The following DENND4C variants were observed in gnomAD, a reference collection of about 807,000 sequenced individuals.
DENND4C encodes the protein DENN domain-containing protein 4C.
A neutral mutation model predicts 203.0 loss-of-function variants in DENND4C; 108 were observed. The ratio of observed to expected loss-of-function variants is 0.53; its 90% confidence interval spans 0.46 to 0.62. The LOEUF (loss-of-function observed/expected upper bound fraction) is 0.62, where lower values mean the gene tolerates loss of function less well. DENND4C is among the 20% of genes least tolerant of loss of function. The probability of loss-of-function intolerance (pLI) is 0.00; values close to 1 mark genes in which losing one functional copy is unlikely to be tolerated. For missense variants in DENND4C, 2,481 were observed against 2,301.2 expected, an observed-to-expected ratio of 1.08 and a Z score of -1.60; for synonymous variants, 871 against 792.4, an observed-to-expected ratio of 1.10 and a Z score of -1.67.
At chr9:19,264,741 A>G (rs1206946825) in intron 1 of DENND4C, among the ~76,000 whole-genome samples, 1 of 151,168 alleles carries the variant, frequency 6.6e-6, no homozygotes, top group Non-Finnish European at 1.5e-5. Context: ...TCTTTTCAAA[A>G]CACCAAGTTT....
chr9:19,368,242 A>G (rs1828084704), intron 30 of DENND4C, among the ~76,000 whole-genome samples: 1 of 150,116 alleles, frequency 6.7e-6, no homozygotes, highest in South Asian at 2.1e-4. Context: ...TGTTATCATA[A>G]CAGAGGACTT....
Position 19,345,921 on chromosome 9 carries a change from G to T in DENND4C, c.3152G>T (p.Gly1051Val), listed in dbSNP as rs779058652. The T allele has an allele frequency of 2.5e-6, 4 of 1,601,738 alleles. No homozygotes were observed. The African/African-American group carries it at 4.0e-5, about 16-fold the overall frequency. The change falls in exon 23 of 33, where the codon GGT (glycine) becomes GTT (valine). Residue 1051 changes from glycine (G) to valine (V), a missense_variant and splice_region_variant. Physicochemically the swap from Gly to Val is moderately radical, Grantham distance 109. This residue lies in a region of DENND4C where 2,289 missense variants were observed against 2,113.3 expected (regional missense o/e 1.08). Transcript: ENST00000434457. ...GTTAATATTTTACTTTCCCTTTTAG[G>T]TAGTATATCAAATGTGCTGTTTTCT... Reference protein sequence around the residue: ...FDVNSRKSSTGSISNVLFSTQ... With the variant: ...FDVNSRKSSTVSISNVLFSTQ...
rs117605726 is a variant in DENND4C, at chr9:19,336,749, C to G, written c.2798C>G (p.Ser933Cys). ...DTVSHGSVDSSNDANNGEHTV... is the reference protein window; with the variant it reads ...DTVSHGSVDSCNDANNGEHTV... ...GTGAGCCACGGTAGTGTGGATAGTTCTAATGATGCTAACAATGGGGAGCAC... is the reference window on the plus strand; with the variant it reads ...GTGAGCCACGGTAGTGTGGATAGTTGTAATGATGCTAACAATGGGGAGCAC... The change falls in exon 20 of 33, where the codon TCT (serine) becomes TGT (cysteine). Residue 933 changes from serine (S) to cysteine (C), a missense_variant. This residue lies in a region of DENND4C where 2,289 missense variants were observed against 2,113.3 expected (regional missense o/e 1.08). Coordinates refer to ENST00000434457, the MANE Select transcript of DENND4C (RefSeq NM_001330640.2). The G allele has an allele frequency of 9.7e-6, 15 of 1,550,868 alleles. No homozygotes were observed. In the Admixed American group the frequency reaches 9.8e-5, roughly 10 times the overall value.
rs150423775 is a variant in DENND4C, at chr9:19,351,856, A to T, written c.4496-217A>T. Among the ~76,000 whole-genome samples, 1,287 of 152,232 alleles carry T rather than the reference A, an allele frequency of 8.5e-3. 6 individuals are homozygous for T. The highest frequency in any genetic ancestry group is 0.014 in the Middle Eastern group (4 of 294). ...AAAATTTCAAATGTCCTGAAAGTTG[A>T]AAGAATCGTATAATGAACAATCATG... On this transcript the variant is annotated intron_variant, in intron 24 of 32. Transcript: ENST00000434457.
In DENND4C at chr9:19,332,115, C is replaced by G. The variant is rs753069324; in HGVS notation, c.2391C>G (p.Val797=). Residue 797 remains valine, a synonymous_variant, in exon 17 of 33, where the codon GTC becomes GTG. Coordinates refer to ENST00000434457, the MANE Select transcript of DENND4C (RefSeq NM_001330640.2). ...ATGTTAGAGTTTCTCATCCTAAAGT[C>G]AGAGCACTTCAGCAGGCATATGATG... is the stretch of plus-strand genomic sequence containing the variant. ...PAYVRVSHPK[V]RALQQAYDVL... The G allele has an allele frequency of 1.9e-6, 3 of 1,613,860 alleles. No individual in the cohort carries two copies. The highest frequency in any genetic ancestry group is 2.7e-5 in the African/African-American group (2 of 74,872).
At chr9:19,283,800 G>A (rs1157415727) in intron 2 of DENND4C, among the ~76,000 whole-genome samples, 1 of 150,678 alleles carries the variant, frequency 6.6e-6, no homozygotes, top group Non-Finnish European at 1.5e-5. Flanking sequence ...TTTCCATGTT[G>A]GTCAGGCTGG....
intron 1 of DENND4C, among the ~76,000 whole-genome samples, chr9:19,259,505 CTT>C (rs1021585159): frequency 8.4e-5 from 11 of 131,458 alleles, no homozygotes; most frequent in Admixed American, 1.6e-4. Flanking sequence ...TTTCTTTTTT[CTT>C]TTTTTTTTTT....
chr9:19,361,940 T>C lies in DENND4C; in HGVS notation c.5501T>C (p.Leu1834Pro). The C allele has an allele frequency of 6.2e-7, 1 of 1,600,726 alleles. No individual in the cohort carries two copies. The highest frequency in any genetic ancestry group is 8.6e-7 in the Non-Finnish European group (1 of 1,167,944). ...CTTCATCAGGAACCAAGAGAACCTC[T>C]GTATGTCTCATGGAGGAATTTTAGT... ...INLHQEPREPLYVSWRNFNSE... is the reference protein window; with the variant it reads ...INLHQEPREPPYVSWRNFNSE... Residue 1834 changes from leucine (L) to proline (P), a missense_variant, in exon 30 of 33, where the codon CTG (leucine) becomes CCG (proline). Transcript: ENST00000434457.
rs1837410026 is a variant in DENND4C at position 19,296,106 on chromosome 9, A to G, written c.900A>G (p.Arg300=). The change falls in exon 6 of 33, where the codon AGA becomes AGG. Residue 300 remains arginine, a synonymous_variant. Transcript: ENST00000434457. ...TGGGCTTGTTGACGCCTGTGGAGAG[A>G]AAAATGGTCTCCAAATCCATCAATA... ...MHLGLLTPVE[R]KMVSKSINTN... is the part of the protein sequence containing the mutation. 6.2e-7 allele frequency: 1 copy of G among 1,613,754 alleles called. No homozygotes were observed. Among genetic ancestry groups the G allele is most frequent in the South Asian group, 1.1e-5 (1 of 91,084 alleles).
chr9:19,372,217 G>A lies in DENND4C; in HGVS notation c.*44G>A. On this transcript the variant is annotated 3_prime_UTR_variant, in exon 33 of 33. Transcript: ENST00000434457. ...GTTGACACACAAGGCTTGGGGATTA[G>A]ATTTCATCTGGAAACATTCAAGTTT... The A allele has an allele frequency of 1.3e-6, 2 of 1,567,108 alleles. No homozygotes were observed. Among genetic ancestry groups the A allele is most frequent in the Non-Finnish European group, 1.7e-6 (2 of 1,158,648 alleles).
chr9:19,299,664 C>G (rs1289530263), intron 8 of DENND4C, among the ~76,000 whole-genome samples: 8 of 152,168 alleles, frequency 5.3e-5, no homozygotes, highest in African/African-American at 1.7e-4. Context: ...TGATGTCTTA[C>G]CAGACTATTT....
At position 19,352,054 on chromosome 9, in the gene DENND4C, G is replaced by T. The variant is rs1275683917; in HGVS notation, c.4496-19G>T. On this transcript the variant is annotated intron_variant, in intron 24 of 32. Transcript: ENST00000434457. ...GGACATTCCTTACTTAAGGTATTAC[G>T]ATGTATATTCCTTTGTAGGTGAAGT... The T allele has an allele frequency of 3.8e-6, 6 of 1,581,958 alleles. No homozygotes were observed. The highest frequency in any genetic ancestry group is 5.2e-6 in the Non-Finnish European group (6 of 1,151,246).
In DENND4C at chr9:19,342,709, T is replaced by G; in HGVS notation, c.3081T>G (p.Pro1027=). ...SPEPHSPTEP[P]AWGSSIVKVP... is the part of the protein sequence containing the mutation. The stretch of plus-strand genomic sequence containing the variant: ...AGCCTCACAGTCCTACTGAACCTCC[T>G]GCATGGGGCAGCAGTATTGTGAAAG... The change falls in exon 22 of 33, where the codon CCT becomes CCG. Residue 1027 remains proline (P), a synonymous_variant. Transcript: ENST00000434457. The G allele has an allele frequency of 1.2e-6, 2 of 1,613,710 alleles. No individual in the cohort carries two copies. Among genetic ancestry groups the G allele is most frequent in the Non-Finnish European group, 8.5e-7 (1 of 1,179,802 alleles).
chr9:19,331,208 T>TC (rs1819066518), intron 16 of DENND4C, among the ~76,000 whole-genome samples: 1 of 136,546 alleles, frequency 7.3e-6, no homozygotes, highest in Non-Finnish European at 1.6e-5. Context: ...GAATAGGTCC[T>TC]TTTTTTTTTT....
chr9:19,245,139 C>G (rs1179856984), intron 1 of DENND4C, among the ~76,000 whole-genome samples: 1 of 152,126 alleles, frequency 6.6e-6, no homozygotes, highest in East Asian at 1.9e-4. Flanking sequence ...GGGCCACCTT[C>G]AGAAATTCAT....
At chr9:19,362,232 C>T (rs182242614) in intron 30 of DENND4C, among the ~76,000 whole-genome samples, 1 of 152,108 alleles carries the variant, frequency 6.6e-6, no homozygotes, top group African/African-American at 2.4e-5. Context: ...TGAGATCATG[C>T]CACTGCACTC....
At chr9:19,300,924 A>T (rs1250329230) in intron 9 of DENND4C, among the ~76,000 whole-genome samples, 1 of 152,212 alleles carries the variant, frequency 6.6e-6, no homozygotes, top group African/African-American at 2.4e-5. Context: ...TTACACCTGT[A>T]ATCCCAGCAA....
Position 19,230,740 on chromosome 9 carries a change from GC to G in DENND4C, c.-108del, listed in dbSNP as rs1181503374. 8 of 152,408 alleles carry G rather than the reference GC, an allele frequency of 5.2e-5. No individual in the cohort carries two copies. The highest frequency in any genetic ancestry group is 3.9e-4 in the East Asian group (2 of 5,160). 9.4% of individuals were successfully genotyped at this position (152,408 alleles called of 1,614,324 possible). ...GCCGCTGGAGCTAGTCCCCCGCCCTGCCCTGCCGAGCGCGCCCAGTCCGCGA... is the reference window on the plus strand; with the variant it reads ...GCCGCTGGAGCTAGTCCCCCGCCCTGCCTGCCGAGCGCGCCCAGTCCGCGA... On this transcript the variant is annotated 5_prime_UTR_variant, in exon 1 of 33. Transcript: ENST00000434457.
At chr9:19,298,715 A>G (rs1373927979) in intron 7 of DENND4C, among the ~76,000 whole-genome samples, 1 of 152,278 alleles carries the variant, frequency 6.6e-6, no homozygotes, top group East Asian at 1.9e-4. Flanking sequence ...TTTCTGGACC[A>G]TAACAATTAA....
Sources: gnomAD v4.1 joint callset for allele counts (sites outside exome capture counted in the v4.1 genomes callset) on GRCh38, gnomAD v4.1.1 for gene constraint, gnomAD v4.1.1 regional missense constraint, MANE v1.5 for transcripts, NCBI Gene and HGNC (gene_info 2026-07-23, HGNC 2026-07-21) for gene names.